The following PNKD variants were observed in gnomAD, a reference collection of about 807,000 sequenced individuals.
PNKD encodes probable thioesterase PNKD.
A neutral mutation model predicts 45.3 loss-of-function variants in PNKD; 36 were observed. The ratio of observed to expected loss-of-function variants is 0.80; its 90% CI spans 0.61 to 1.05. PNKD has a LOEUF of 1.05. PNKD is among the 50% of genes least tolerant of loss of function. The probability of loss-of-function intolerance (pLI) is 0.00; values close to 1 mark genes in which losing one functional copy is unlikely to be tolerated. For missense variants in PNKD, 511 were observed against 506.6 expected, an observed-to-expected ratio of 1.01 and a Z score of -0.08; for synonymous variants, 197 against 210.1, an observed-to-expected ratio of 0.94 and a Z score of 0.54.
At chr2:218,294,571 A>G (rs1486264352) in intron 2 of PNKD, among the ~76,000 whole-genome samples, 1 of 152,132 alleles carries the variant, frequency 6.6e-6, no homozygotes, top group East Asian at 1.9e-4. Flanking sequence ...TTGACCTCCC[A>G]TGTACAAGCA....
intron 2 of PNKD, among the ~76,000 whole-genome samples, chr2:218,339,074 G>A (rs1170646741): frequency 1.3e-5 from 2 of 152,118 alleles, no homozygotes; most frequent in Non-Finnish European, 2.9e-5. Context: ...GGGATTACAG[G>A]TGTGAGCCAC....
intron 2 of PNKD, among the ~76,000 whole-genome samples, chr2:218,281,167 T>C (rs1206537820): frequency 7.5e-6 from 1 of 134,130 alleles, no homozygotes; most frequent in Non-Finnish European, 1.5e-5. Context: ...AGAGTCTTGC[T>C]CTGTTGCTCA....
intron 2 of PNKD, among the ~76,000 whole-genome samples, chr2:218,333,643 G>A (rs2106285993): frequency 6.6e-6 from 1 of 152,202 alleles, no homozygotes; most frequent in South Asian, 2.1e-4. Flanking sequence ...CTTGCCCAAG[G>A]TCACAGAGTC....
In PNKD at chr2:218,301,785, TCAAA is replaced by T. The variant is rs149668974; in HGVS notation, c.236+30249_236+30252del. Among the ~76,000 whole-genome samples, 390 of 151,848 alleles carry T rather than the reference TCAAA, an allele frequency of 2.6e-3. 4 individuals carry two copies. Among genetic ancestry groups the T allele is most frequent in the African/African-American group, 8.7e-3 (359 of 41,410 alleles). On this transcript the variant is annotated intron_variant, in intron 2 of 9. Coordinates refer to ENST00000273077, the MANE Select transcript of PNKD (RefSeq NM_015488.5). ...GCAACAGCCTGAGCTACCATCTGTC[TCAAA>T]CAAACAAACAAAAACGGGAGAAAAG...
At chr2:218,343,704 G>T in intron 8 of PNKD, 118 bp downstream of exon 8, 2 of 756,046 alleles carry the variant, frequency 2.6e-6, no homozygotes, top group Non-Finnish European at 4.7e-6. Flanking sequence ...GCCCAGAAGC[G>T]ACACAGCTCC....
rs1432544124 is a variant in PNKD at position 218,339,916 on chromosome 2, C to A, written c.352+18C>A. ...CTTCAATGGTGAGCTCTGACTGCCC[C>A]GGCCAGCATCCCCCATTCTGTGCCC... On this transcript the variant is annotated intron_variant, in intron 3 of 9. Transcript: ENST00000273077. 5 of 1,557,478 alleles carry A rather than the reference C, an allele frequency of 3.2e-6. No homozygotes were observed. Among genetic ancestry groups the A allele is most frequent in the Non-Finnish European group, 4.4e-6 (5 of 1,133,222 alleles).
At chr2:218,291,354 G>A (rs1029787590) in intron 2 of PNKD, among the ~76,000 whole-genome samples, 5 of 152,104 alleles carry the variant, frequency 3.3e-5, no homozygotes, top group Admixed American at 6.5e-5. Context: ...CCCCCTTTGC[G>A]CCAATAAAGC....
In PNKD at chr2:218,326,759, C is replaced by G. The variant is rs970266359; in HGVS notation, c.237-13024C>G. 6.6e-6 allele frequency: 1 copy of G among 152,322 alleles called. No homozygotes were observed. The highest frequency in any genetic ancestry group is 1.5e-5 in the Non-Finnish European group (1 of 68,120). The allele number at this position is 152,322 out of a possible 1,614,324, so 9.4% of individuals were successfully genotyped here. A position where few individuals can be genotyped will look rare whatever the true frequency, so the allele number is the denominator to read the frequency against. ...CACCACCCAGCAGGAAACTCCACAT[C>G]CCTTCATTCAGCCAGGGAACACCTA... On this transcript the variant is annotated intron_variant, in intron 2 of 9. Coordinates refer to ENST00000273077, the MANE Select transcript of PNKD (RefSeq NM_015488.5). The surrounding 1 kb of genome is among the most constrained non-coding windows in gnomAD (Gnocchi z 4.1).
chr2:218,324,573 G>A (rs1382528201), intron 2 of PNKD, among the ~76,000 whole-genome samples: 1 of 152,166 alleles, frequency 6.6e-6, no homozygotes, highest in Non-Finnish European at 1.5e-5. Flanking sequence ...CTAAACCTTG[G>A]TCGCAGTTTA....
Position 218,292,326 on chromosome 2 carries a change from G to T in PNKD, c.236+20777G>T, listed in dbSNP as rs192539859. 1,361 of 152,334 alleles carry T rather than the reference G, an allele frequency of 8.9e-3. 15 individuals are homozygous for T. The highest frequency in any genetic ancestry group is 0.031 in the African/African-American group (1,279 of 41,560). The allele number at this position is 152,334 out of a possible 1,614,324, so 9.4% of individuals were successfully genotyped here. A position where few individuals can be genotyped will look rare whatever the true frequency, so the allele number is the denominator to read the frequency against. On this transcript the variant is annotated intron_variant, in intron 2 of 9. Coordinates refer to ENST00000273077, the MANE Select transcript of PNKD (RefSeq NM_015488.5). Reference sequence around the variant, plus strand: ...GGAGGGGAGATCCCCATCTGGAACGGGCTCCTTGGGCCCAGGAGCGGGCAA... The same window carrying T: ...GGAGGGGAGATCCCCATCTGGAACGTGCTCCTTGGGCCCAGGAGCGGGCAA...
chr2:218,279,941 C>T, intron 2 of PNKD: 2 of 965,684 alleles, frequency 2.1e-6, no homozygotes, highest in East Asian at 2.4e-5. Context: ...GGAATTGATG[C>T]CCTGGGGCTA....
intron 2 of PNKD, chr2:218,273,079 A>G (rs1574618316): frequency 1.7e-6 from 1 of 578,918 alleles, no homozygotes; most frequent in Non-Finnish European, 2.7e-6. Context: ...CTTAAGTGCA[A>G]CCAGCCTAGG....
chr2:218,288,326 G>A (rs1692687444), intron 2 of PNKD, among the ~76,000 whole-genome samples: 1 of 152,236 alleles, frequency 6.6e-6, no homozygotes, highest in Admixed American at 6.5e-5. Flanking sequence ...CTACTCGGGA[G>A]GCTGAGGCAG....
intron 7 of PNKD, among the ~76,000 whole-genome samples, chr2:218,343,217 C>T (rs530593757): frequency 5.3e-5 from 8 of 152,342 alleles, no homozygotes; most frequent in East Asian, 1.9e-4. Flanking sequence ...AGCAGCCCTG[C>T]GTCTACCAAG....
At chr2:218,316,333 G>A (rs889517427) in intron 2 of PNKD, among the ~76,000 whole-genome samples, 5 of 141,056 alleles carry the variant, frequency 3.5e-5, no homozygotes, top group African/African-American at 8.0e-5. Flanking sequence ...GCAGTGGCAC[G>A]ATCTCAGCTC....
At chr2:218,281,004 G>C (rs1018866847) in intron 2 of PNKD, 9 of 150,688 alleles carry the variant, frequency 6.0e-5, no homozygotes, top group African/African-American at 2.0e-4. Context: ...GTAGAGACAG[G>C]GTTTCACCAT....
chr2:218,291,379 C>A (rs1242961516), intron 2 of PNKD, among the ~76,000 whole-genome samples: 2 of 152,212 alleles, frequency 1.3e-5, no homozygotes, highest in Non-Finnish European at 2.9e-5. Context: ...CCAGGAGGCA[C>A]CTGGCTCCCC....
At chr2:218,290,800 C>A (rs1692883682) in intron 2 of PNKD, among the ~76,000 whole-genome samples, 1 of 152,178 alleles carries the variant, frequency 6.6e-6, no homozygotes, top group African/African-American at 2.4e-5. Flanking sequence ...GGCCTAGAAT[C>A]CCAGAATCTT....
intron 2 of PNKD, among the ~76,000 whole-genome samples, chr2:218,308,285 C>G (rs1256634919): frequency 1.4e-5 from 2 of 147,070 alleles, no homozygotes; most frequent in East Asian, 2.0e-4. Context: ...CTCTCAGATT[C>G]AAGTGGTTTT....
Sources: gnomAD v4.1 joint callset for allele counts (sites outside exome capture counted in the v4.1 genomes callset) on GRCh38, gnomAD v4.1.1 for gene constraint, Gnocchi (gnomAD v3.1) non-coding constraint, MANE v1.5 for transcripts, NCBI Gene and HGNC (gene_info 2026-07-23, HGNC 2026-07-21) for gene names.